The following KIF1B variants were observed in gnomAD, a reference collection of about 807,000 sequenced individuals.
The protein encoded by KIF1B is kinesin family member 1B.
A neutral mutation model predicts 241.9 loss-of-function variants in KIF1B; 76 were observed. The observed-to-expected ratio is 0.31, with a 90% CI of 0.26 to 0.38. The LOEUF (loss-of-function observed/expected upper bound fraction) is 0.38, where lower values mean the gene tolerates loss of function less well. KIF1B is among the 10% of genes least tolerant of loss of function. The pLI is 1.00. For missense variants in KIF1B, 1,622 were observed against 2,271.4 expected (o/e 0.71, Z 5.81); for synonymous variants, 750 against 796.7 (o/e 0.94, Z 0.99).
At chr1:10,249,443 A>G (rs895815276) in intron 2 of KIF1B, among the ~76,000 whole-genome samples, 1 of 152,152 alleles carries the variant, frequency 6.6e-6, no homozygotes, top group Non-Finnish European at 1.5e-5. Flanking sequence ...AGAGTTGTAC[A>G]TGACACATGG....
chr1:10,323,804 A>G (rs1253802091), intron 24 of KIF1B, 80 bp from the exon 25 acceptor site: 4 of 1,181,032 alleles, frequency 3.4e-6, no homozygotes, highest in Non-Finnish European at 5.0e-6. Context: ...CCTCTTTCCC[A>G]TTGGGTATGA....
At chr1:10,355,773 C>T (rs542652973) in intron 38 of KIF1B, among the ~76,000 whole-genome samples, 8 of 152,274 alleles carry the variant, frequency 5.3e-5, no homozygotes, top group African/African-American at 1.9e-4. Flanking sequence ...CTTTATAAAA[C>T]CTGAGTCCAT....
intron 2 of KIF1B, among the ~76,000 whole-genome samples, chr1:10,247,890 A>G (rs948884232): frequency 6.6e-6 from 1 of 152,050 alleles, no homozygotes; most frequent in Non-Finnish European, 1.5e-5. Context: ...AGATCATCAG[A>G]CATTAGTTAG....
chr1:10,351,485 G>A (rs958831154), intron 37 of KIF1B, among the ~76,000 whole-genome samples: 3 of 152,218 alleles, frequency 2.0e-5, no homozygotes, highest in Admixed American at 6.5e-5. Flanking sequence ...TGTTATTCTC[G>A]CTTGACATAT....
At chr1:10,217,281 C>G (rs1459060032) in intron 1 of KIF1B, among the ~76,000 whole-genome samples, 1 of 151,392 alleles carries the variant, frequency 6.6e-6, no homozygotes, top group Non-Finnish European at 1.5e-5. Flanking sequence ...GCCTTTTCTA[C>G]TGTTCTTGAA....
At chr1:10,332,092 C>G (rs937712905) in intron 27 of KIF1B, among the ~76,000 whole-genome samples, 6 of 150,572 alleles carry the variant, frequency 4.0e-5, no homozygotes, top group African/African-American at 1.5e-4. Context: ...GAGACGAAGT[C>G]TTGCTCTTGT....
At chr1:10,372,659 CA>C (rs1256457882) in intron 45 of KIF1B, among the ~76,000 whole-genome samples, 1 of 120,078 alleles carries the variant, frequency 8.3e-6, no homozygotes, top group East Asian at 3.0e-4. Context: ...GCTTGGGTGA[CA>C]GAGCTGTCAC....
At position 10,365,740 on chromosome 1, in the gene KIF1B, G is replaced by C. The variant is rs890737601; in HGVS notation, c.4752+92G>C. On this transcript the variant is annotated intron_variant, in intron 43 of 48. Transcript: ENST00000676179. The surrounding 1 kb of genome is among the most constrained non-coding windows in gnomAD (Gnocchi z 4.0). ...TTCATTTTCAACACCTTTGTTCGAG[G>C]TGTTTGAAGGCCTGTGATAATACTG... 1 of 1,535,584 alleles carries C rather than the reference G, an allele frequency of 6.5e-7. No homozygotes were observed. The highest frequency in any genetic ancestry group is 1.7e-5 in the Admixed American group (1 of 59,594).
intron 37 of KIF1B, among the ~76,000 whole-genome samples, chr1:10,351,276 A>T (rs1205166792): frequency 6.6e-6 from 1 of 152,020 alleles, no homozygotes; most frequent in Non-Finnish European, 1.5e-5. Context: ...AACAGAAGAG[A>T]TGCTTTCTGA....
intron 1 of KIF1B, among the ~76,000 whole-genome samples, chr1:10,219,237 G>A (rs1000958808): frequency 6.6e-6 from 1 of 152,148 alleles, no homozygotes; most frequent in African/African-American, 2.4e-5. Flanking sequence ...CGAGGCTGGT[G>A]CATCACTGAG....
chr1:10,296,624 T>G lies in KIF1B; in HGVS notation c.1820T>G (p.Val607Gly). ...LEPCERSETY[V>G]NGKRVSQPVQ... ...CCCTGTGAGCGCTCAGAAACCTACG[T>G]AAATGGCAAGAGGGTGTCCCAGCCT... is the stretch of plus-strand genomic sequence containing the variant. Residue 607 changes from valine (V) to glycine (G), a missense_variant, in exon 20 of 49, where the codon GTA becomes GGA. Val to Gly is a moderately radical substitution (Grantham distance 109, BLOSUM62 -3). This residue lies in a region of KIF1B where 803 missense variants were observed against 1,112.0 expected (regional missense o/e 0.72). Coordinates refer to ENST00000676179, the MANE Select transcript of KIF1B (RefSeq NM_001365951.3). 6.2e-7 allele frequency: 1 copy of G among 1,614,018 alleles called. No individual in the cohort carries two copies. The highest frequency in any genetic ancestry group is 8.5e-7 in the Non-Finnish European group (1 of 1,179,966).
At chr1:10,265,243 TATTTA>T (rs1648392352) in intron 5 of KIF1B, among the ~76,000 whole-genome samples, 17 of 125,922 alleles carry the variant, frequency 1.4e-4, no homozygotes, top group African/African-American at 5.0e-4. Context: ...TTTATTTATT[TATTTA>T]TTTTTAGAGA....
chr1:10,244,893 T>G (rs1027583768), intron 2 of KIF1B, among the ~76,000 whole-genome samples: 1 of 152,214 alleles, frequency 6.6e-6, no homozygotes, highest in African/African-American at 2.4e-5. Context: ...ATTACAGGCA[T>G]GAGCCACCGC....
chr1:10,265,455 C>G (rs1006954291), intron 5 of KIF1B, among the ~76,000 whole-genome samples: 5 of 151,934 alleles, frequency 3.3e-5, no homozygotes, highest in Non-Finnish European at 5.9e-5. Flanking sequence ...AGGTTGGTCT[C>G]GAATTCCTGA....
chr1:10,234,271 GAT>G (rs1398458416), intron 2 of KIF1B, among the ~76,000 whole-genome samples: 1 of 146,808 alleles, frequency 6.8e-6, no homozygotes, highest in African/African-American at 2.5e-5. Context: ...GCAGTGGTGT[GAT>G]CTCGGCTCAC....
intron 22 of KIF1B, chr1:10,305,057 A>G: frequency 9.3e-7 from 1 of 1,079,962 alleles, no homozygotes; most frequent in Non-Finnish European, 1.1e-6. Flanking sequence ...AGCAGAATTA[A>G]ATGTCTGTTA....
chr1:10,262,822 C>T (rs1250837964), intron 5 of KIF1B, among the ~76,000 whole-genome samples: 1 of 152,088 alleles, frequency 6.6e-6, no homozygotes, highest in African/African-American at 2.4e-5. Flanking sequence ...TGGTTTTTGA[C>T]AGGCATTGGT....
At position 10,324,905 on chromosome 1, in the gene KIF1B, G is replaced by T; in HGVS notation, c.2675+10G>T. On this transcript the variant is annotated intron_variant, in intron 26 of 48. Transcript: ENST00000676179. ...TCAAACTTGTGGGGAGGTATGTGAT[G>T]ATTTTGTTGATGTCTTCTTTTAAAA... 6.2e-7 allele frequency: 1 copy of T among 1,613,658 alleles called. No individual in the cohort carries two copies. The highest frequency in any genetic ancestry group is 1.3e-5 in the African/African-American group (1 of 74,920).
rs570452067 is a variant in KIF1B, at chr1:10,343,179, T to C, written c.3633-53T>C. The stretch of plus-strand genomic sequence containing the variant: ...GCAGTCCAGCACAAAGGGGAGAATT[T>C]CTAAAATAAATAACTCTTTATAGTC... On this transcript the variant is annotated intron_variant, in intron 33 of 48. Transcript: ENST00000676179. The C allele has an allele frequency of 1.9e-6, 3 of 1,593,432 alleles. No individual in the cohort carries two copies. The South Asian group carries it at 3.3e-5, about 18-fold the overall frequency.
Sources: gnomAD v4.1 joint callset for allele counts (sites outside exome capture counted in the v4.1 genomes callset) on GRCh38, gnomAD v4.1.1 for gene constraint, gnomAD v4.1.1 regional missense constraint, Gnocchi (gnomAD v3.1) non-coding constraint, MANE v1.5 for transcripts, NCBI Gene and HGNC (gene_info 2026-07-23, HGNC 2026-07-21) for gene names.